Variants in PTPRT observed in about 807,000 individuals in gnomAD.
The protein encoded by PTPRT is protein tyrosine phosphatase receptor type T, also known as receptor-type tyrosine-protein phosphatase T.
Under a neutral mutation model 176.8 loss-of-function variants are expected in PTPRT, and 56 were observed. The observed-to-expected ratio is 0.32, with a 90% CI of 0.26 to 0.40. The LOEUF is 0.40. Ranked by LOEUF, PTPRT falls within the 10% of genes least tolerant of loss-of-function variation. PTPRT has a pLI of 1.00. For synonymous variants in PTPRT, 783 were observed against 739.0 expected, an observed-to-expected ratio of 1.06 and a Z score of -0.96; for missense variants, 1,540 against 1,908.2, an observed-to-expected ratio of 0.81 and a Z score of 3.60.
intron 7 of PTPRT, among the ~76,000 whole-genome samples, chr20:42,592,146 A>ATT (rs11483312): frequency 2.1e-5 from 3 of 140,864 alleles, no homozygotes; most frequent in Admixed American, 7.1e-5. Context: ...CACCCAGCTA[A>ATT]TTTTTTTTTT....
At chr20:42,666,507 C>T (rs2075319625) in intron 7 of PTPRT, among the ~76,000 whole-genome samples, 1 of 152,104 alleles carries the variant, frequency 6.6e-6, no homozygotes, top group Non-Finnish European at 1.5e-5. Flanking sequence ...ACTTCTTTCT[C>T]CTGTATTTTC....
rs563077210 is a variant in PTPRT, at chr20:42,577,583, C to T, written c.1153+100283G>A. ...CTTAATGAAACTGCTTCAAAGAGGT[C>T]GGGGGAGTATTCCCTTGGCAGTGAT... On this transcript the variant is annotated intron_variant, in intron 7 of 30. Transcript: ENST00000373187. 3.9e-5 allele frequency among the ~76,000 whole-genome samples: 6 copies of T among 152,216 alleles called. No homozygotes were observed. In the East Asian group the frequency reaches 5.8e-4, roughly 15 times the overall value.
At chr20:42,956,332 C>T (rs1981632892) in intron 1 of PTPRT, among the ~76,000 whole-genome samples, 1 of 152,122 alleles carries the variant, frequency 6.6e-6, no homozygotes, top group African/African-American at 2.4e-5. Context: ...TGGTGCTCTC[C>T]TCGCAATAGT....
At position 42,385,464 on chromosome 20, in the gene PTPRT, A is replaced by G. The variant is rs186466043; in HGVS notation, c.1561-33179T>C. On this transcript the variant is annotated intron_variant, in intron 9 of 30. Coordinates refer to ENST00000373187, the MANE Select transcript of PTPRT (RefSeq NM_007050.6). ...GCTAGGTGCTGGGTAGAGGGAGGAC[A>G]TGATTTGCTGTTCAACAGCTATAAA... Among the ~76,000 whole-genome samples the G allele has an allele frequency of 5.4e-4, 83 of 152,324 alleles. No homozygotes were observed. In the East Asian group the frequency reaches 0.014, roughly 25 times the overall value.
chr20:42,348,397 T>TATTGATTG (rs1555830119), intron 11 of PTPRT, among the ~76,000 whole-genome samples: 15 of 151,762 alleles, frequency 9.9e-5, no homozygotes, highest in Non-Finnish European at 1.6e-4. Flanking sequence ...TTTATTTATT[T>TATTGATTG]ATTTATTTTT....
chr20:42,745,860 T>A (rs1172358653), intron 6 of PTPRT, among the ~76,000 whole-genome samples: 3 of 152,150 alleles, frequency 2.0e-5, no homozygotes, highest in African/African-American at 7.2e-5. Context: ...GACTTCAGCA[T>A]CCTCAGTGGT....
At chr20:42,745,766 G>A (rs533253436) in intron 6 of PTPRT, among the ~76,000 whole-genome samples, 6 of 152,314 alleles carry the variant, frequency 3.9e-5, no homozygotes, top group African/African-American at 1.2e-4. Flanking sequence ...CATAAGGAGG[G>A]TCAGAAAATA....
At chr20:43,014,421 G>A (rs1294465902) in intron 1 of PTPRT, among the ~76,000 whole-genome samples, 1 of 152,158 alleles carries the variant, frequency 6.6e-6, no homozygotes, top group East Asian at 1.9e-4. Context: ...CATTCCCCCA[G>A]CATTAATGCT....
At chr20:43,089,189 G>C (rs929641100) in intron 1 of PTPRT, among the ~76,000 whole-genome samples, 1 of 152,144 alleles carries the variant, frequency 6.6e-6, no homozygotes, top group Non-Finnish European at 1.5e-5. Context: ...GAGGAATTGA[G>C]GCTCAGAGAT....
intron 7 of PTPRT, among the ~76,000 whole-genome samples, chr20:42,597,411 C>T (rs1167711502): frequency 6.6e-6 from 1 of 152,116 alleles, no homozygotes; most frequent in African/African-American, 2.4e-5. Context: ...ATCTGTGTCC[C>T]CGCCCAAATC....
intron 15 of PTPRT, among the ~76,000 whole-genome samples, chr20:42,217,671 C>A (rs944204649): frequency 1.3e-5 from 2 of 152,138 alleles, no homozygotes; most frequent in African/African-American, 4.8e-5. Flanking sequence ...GGGGAGTTAC[C>A]TAGTGCACTG....
At chr20:42,305,413 A>G (rs1471653266) in intron 12 of PTPRT, among the ~76,000 whole-genome samples, 1 of 152,112 alleles carries the variant, frequency 6.6e-6, no homozygotes, top group East Asian at 1.9e-4. Flanking sequence ...ACATACTCAT[A>G]TATACACATA....
intron 1 of PTPRT, among the ~76,000 whole-genome samples, chr20:43,185,721 G>T (rs567814118): frequency 6.6e-6 from 1 of 152,192 alleles, no homozygotes; most frequent in East Asian, 1.9e-4. Context: ...ATCACCTGAG[G>T]TCAGGAGTTC....
chr20:42,115,466 G>T, intron 21 of PTPRT, 151 bp from the exon 22 acceptor site: 1 of 642,698 alleles, frequency 1.6e-6, no homozygotes. Flanking sequence ...AGGGTTCACA[G>T]CTGGCCAGGG....
chr20:42,608,267 C>T (rs1217221510), intron 7 of PTPRT, among the ~76,000 whole-genome samples: 1 of 152,174 alleles, frequency 6.6e-6, no homozygotes, highest in Non-Finnish European at 1.5e-5. Flanking sequence ...GTCTGATGAA[C>T]ACACATCATG....
chr20:42,957,165 T>C (rs932021088), intron 1 of PTPRT, among the ~76,000 whole-genome samples: 10 of 152,114 alleles, frequency 6.6e-5, no homozygotes, highest in South Asian at 4.1e-4. Flanking sequence ...GCTCATTTGA[T>C]AGGGAAAAAT....
At chr20:42,862,698 T>G (rs2078682961) in intron 2 of PTPRT, among the ~76,000 whole-genome samples, 1 of 152,182 alleles carries the variant, frequency 6.6e-6, no homozygotes, top group Non-Finnish European at 1.5e-5. Context: ...TTTGCTTCAT[T>G]TTTCAACATT....
intron 11 of PTPRT, among the ~76,000 whole-genome samples, chr20:42,318,050 C>T (rs977359464): frequency 1.3e-5 from 2 of 152,204 alleles, no homozygotes; most frequent in Non-Finnish European, 2.9e-5. Context: ...TTCAGATGAA[C>T]GTGGCTAACC....
intron 17 of PTPRT, among the ~76,000 whole-genome samples, chr20:42,145,497 CATAGATAGATAGATAG>C (rs59838948): frequency 9.1e-4 from 132 of 144,444 alleles, no homozygotes; most frequent in Non-Finnish European, 1.6e-3. Flanking sequence ...GACTTTGTCT[CATAGATAGATAGATAG>C]ATAGATAGAT....
Sources: gnomAD v4.1 joint callset for allele counts (sites outside exome capture counted in the v4.1 genomes callset) on GRCh38, gnomAD v4.1.1 for gene constraint, MANE v1.5 for transcripts, NCBI Gene and HGNC (gene_info 2026-07-23, HGNC 2026-07-21) for gene names.